PDE6A: variants seen among roughly 807,000 people sequenced by gnomAD.
PDE6A encodes rod cGMP-specific 3',5'-cyclic phosphodiesterase subunit alpha.
PDE6A carries 84 observed loss-of-function variants against 106.3 expected under a neutral mutation model. The observed-to-expected ratio is 0.79, with a 90% CI of 0.66 to 0.95. The LOEUF (loss-of-function observed/expected upper bound fraction) is 0.95, where lower values mean the gene tolerates loss of function less well. Ranked by LOEUF, PDE6A falls within the 40% of genes least tolerant of loss-of-function variation. The pLI is 0.00. For synonymous variants in PDE6A, 394 were observed against 386.6 expected (o/e 1.02, Z -0.23); for missense variants, 1,052 against 1,084.9 (o/e 0.97, Z 0.43).
chr5:149,931,301 T>C (rs902223198), intron 3 of PDE6A, 133 bp from the exon 4 acceptor site: 7 of 837,572 alleles, frequency 8.4e-6, no homozygotes, highest in African/African-American at 3.4e-5. Context: ...TCCAGAGAAA[T>C]AGACAGGTTA....
At chr5:149,861,906 C>A (rs1035376734) in intron 21 of PDE6A, among the ~76,000 whole-genome samples, 1 of 152,334 alleles carries the variant, frequency 6.6e-6, no homozygotes, top group African/African-American at 2.4e-5. Flanking sequence ...TCCCAGGATA[C>A]CTCACTGCCA....
At chr5:149,916,913 C>T (rs1375013588) in intron 5 of PDE6A, among the ~76,000 whole-genome samples, 3 of 152,168 alleles carry the variant, frequency 2.0e-5, no homozygotes, top group African/African-American at 7.2e-5. Flanking sequence ...AGTGTAATCC[C>T]TGGGCCGGTG....
intron 8 of PDE6A, among the ~76,000 whole-genome samples, chr5:149,902,891 T>G (rs1277233972): frequency 2.0e-5 from 3 of 148,572 alleles, no homozygotes; most frequent in Non-Finnish European, 4.5e-5. Flanking sequence ...TTAACAGAAG[T>G]AGTAGCATTT....
chr5:149,870,483 C>T (rs1760493944), intron 17 of PDE6A, among the ~76,000 whole-genome samples: 1 of 152,110 alleles, frequency 6.6e-6, no homozygotes, highest in African/African-American at 2.4e-5. Context: ...TTCAGGAGGG[C>T]ACTGGATGCT....
chr5:149,884,971 C>T (rs569973698), intron 14 of PDE6A, 104 bp from the exon 15 acceptor site: 18 of 939,558 alleles, frequency 1.9e-5, no homozygotes, highest in East Asian at 4.9e-5. Flanking sequence ...CAAGTGATTC[C>T]GAGTTACTTT....
At chr5:149,916,919 C>A (rs571204837) in intron 5 of PDE6A, among the ~76,000 whole-genome samples, 4 of 152,104 alleles carry the variant, frequency 2.6e-5, no homozygotes, top group African/African-American at 9.7e-5. Flanking sequence ...ATCCCTGGGC[C>A]GGTGCCTGTC....
chr5:149,899,446 C>A lies in PDE6A; in HGVS notation c.1192G>T (p.Val398Phe), dbSNP rs1019577015. 1 of 1,613,996 alleles carries A rather than the reference C, an allele frequency of 6.2e-7. No individual in the cohort carries two copies. Among genetic ancestry groups the A allele is most frequent in the Non-Finnish European group, 8.5e-7 (1 of 1,179,960 alleles). ...MPIVNKKEEI[V>F]GVATFYNRKD... ...CGATTGTAAAATGTGGCCACTCCAA[C>A]AATTTCTTCCTTCTTGTTCACAATC... Residue 398 changes from valine (V) to phenylalanine (F), a missense_variant, in exon 9 of 22, where the codon GTT becomes TTT. Val to Phe is a conservative substitution (Grantham distance 50). Around this residue, in one of 3 missense-constraint regions of PDE6A, gnomAD observed 913 missense variants for 915.2 expected, o/e 1.00. Coordinates refer to ENST00000255266, the MANE Select transcript of PDE6A (RefSeq NM_000440.3).
chr5:149,895,287 G>A lies in PDE6A; in HGVS notation c.1624C>T (p.Leu542=). The A allele has an allele frequency of 6.2e-7, 1 of 1,609,502 alleles. No individual in the cohort carries two copies. Among genetic ancestry groups the A allele is most frequent in the Non-Finnish European group, 8.5e-7 (1 of 1,175,780 alleles). ...VDKFHIPQEA[L]VRFMYSLSKG... is the part of the protein sequence containing the mutation. ...CTCAGGGAGTACATGAACCGCACCA[G>A]GGCCTGTGAACACATGCACATCAGT... Residue 542 remains leucine, a synonymous_variant, in exon 13 of 22, where the codon CTG becomes TTG. Transcript: ENST00000255266.
intron 13 of PDE6A, among the ~76,000 whole-genome samples, chr5:149,894,724 C>T (rs1377367440): frequency 1.3e-5 from 2 of 150,606 alleles, no homozygotes; most frequent in African/African-American, 4.9e-5. Flanking sequence ...CTCTGCCTCC[C>T]GGGTTCAAGG....
At chr5:149,890,433 A>C (rs1184290399) in intron 13 of PDE6A, among the ~76,000 whole-genome samples, 2 of 152,224 alleles carry the variant, frequency 1.3e-5, no homozygotes, top group African/African-American at 2.4e-5. Flanking sequence ...AAATACAATT[A>C]ATGCTAAATC....
At chr5:149,892,145 T>C (rs1752568267) in intron 13 of PDE6A, among the ~76,000 whole-genome samples, 1 of 152,048 alleles carries the variant, frequency 6.6e-6, no homozygotes, top group African/African-American at 2.4e-5. Flanking sequence ...CCCCCATCTC[T>C]CTAAAAAACA....
chr5:149,896,625 T>C (rs1752762341), intron 11 of PDE6A, 86 bp downstream of exon 11: 1 of 1,613,792 alleles, frequency 6.2e-7, no homozygotes, highest in Non-Finnish European at 8.5e-7. Context: ...ATGGGGAACA[T>C]GCTTTGCAAG....
chr5:149,896,802 A>T, intron 10 of PDE6A, 26 bp from the exon 11 acceptor site: 2 of 1,609,368 alleles, frequency 1.2e-6, no homozygotes, highest in South Asian at 2.2e-5. Flanking sequence ...ATGGCAGGGG[A>T]AAAAAAATAG....
Position 149,899,407 on chromosome 5 carries a change from G to T in PDE6A, c.1231C>A (p.Pro411Thr), listed in dbSNP as rs1028240421. 2 of 1,613,962 alleles carry T rather than the reference G, an allele frequency of 1.2e-6. No individual in the cohort carries two copies. The highest frequency in any genetic ancestry group is 1.7e-6 in the Non-Finnish European group (2 of 1,180,022). The change falls in exon 9 of 22, where the codon CCC becomes ACC. Residue 411 changes from proline to threonine, a missense_variant. By Grantham distance (38) the Pro-to-Thr change is conservative (BLOSUM62 -1). Transcript: ENST00000255266. ...AGCGTCTCATCCATTTCATCAAAGG[G>T]CTTCCCATCTTTACGATTGTAAAAT... ...ATFYNRKDGK[P>T]FDEMDETLME...
At chr5:149,917,778 T>A (rs79232192) in intron 5 of PDE6A, among the ~76,000 whole-genome samples, 1 of 152,240 alleles carries the variant, frequency 6.6e-6, no homozygotes, top group Non-Finnish European at 1.5e-5. Flanking sequence ...GGCCTCAGTT[T>A]CTCTGGCTGT....
intron 9 of PDE6A, 134 bp from the exon 10 acceptor site, chr5:149,898,640 C>T: frequency 1.2e-6 from 1 of 825,158 alleles, no homozygotes; most frequent in Non-Finnish European, 1.9e-6. Context: ...GTGCTGCCCA[C>T]CTTGCGGAGT....
chr5:149,932,823 TC>T (rs1561784117), intron 3 of PDE6A, among the ~76,000 whole-genome samples: 1 of 152,154 alleles, frequency 6.6e-6, no homozygotes, highest in Non-Finnish European at 1.5e-5. Flanking sequence ...TTTGTCCCCC[TC>T]CGCCCACAGG....
At chr5:149,904,900 C>T (rs1753126977) in intron 7 of PDE6A, among the ~76,000 whole-genome samples, 1 of 152,128 alleles carries the variant, frequency 6.6e-6, no homozygotes, top group Admixed American at 6.5e-5. Flanking sequence ...AGCAAGCACC[C>T]AGGCATTCTC....
intron 4 of PDE6A, among the ~76,000 whole-genome samples, chr5:149,922,759 A>G (rs1172551831): frequency 2.0e-5 from 3 of 152,250 alleles, no homozygotes; most frequent in Non-Finnish European, 4.4e-5. Context: ...GATATCAAAT[A>G]TGGACAATAG....
Sources: allele counts gnomAD v4.1 joint callset (sites outside exome capture counted in the v4.1 genomes callset), GRCh38; gene constraint gnomAD v4.1.1; regional missense constraint gnomAD v4.1.1; transcripts MANE v1.5; gene names NCBI Gene and HGNC (gene_info 2026-07-23, HGNC 2026-07-21).